The following ABR variants were observed in gnomAD, a reference collection of about 807,000 sequenced individuals.
The protein encoded by ABR is ABR activator of RhoGEF and GTPase, also known as active breakpoint cluster region-related protein.
ABR carries 35 observed loss-of-function variants against 107.2 expected under a neutral mutation model. That is an observed-to-expected ratio of 0.33 (90% CI 0.25 to 0.43). The LOEUF (loss-of-function observed/expected upper bound fraction) is 0.43, where lower values mean the gene tolerates loss of function less well. Among genes scored for constraint, ABR ranks in the 20% least tolerant of loss-of-function variants. ABR has a pLI of 1.00. For missense variants in ABR, 815 were observed against 1,115.2 expected (o/e 0.73, Z 3.83); for synonymous variants, 498 against 462.0 (o/e 1.08, Z -1.00).
At position 1,037,065 on chromosome 17, in the gene ABR, ATCCACCCACCCACCCATCCT is replaced by A. The variant is rs1567625869; in HGVS notation, c.1791+12965_1791+12984del. 4.5e-5 allele frequency among the ~76,000 whole-genome samples: 6 copies of A among 132,116 alleles called. No homozygotes were observed. The highest frequency in any genetic ancestry group is 1.8e-4 in the African/African-American group (6 of 33,438). The allele number at this position is 132,116 out of a possible 152,430, so 86.7% of individuals were successfully genotyped here. Reference sequence around the variant, plus strand: ...CATCCATCCATCCATCCACCCATCCATCCACCCACCCACCCATCCTTCCATCCATCCATCCATCCATCCAC... The same window carrying A: ...CATCCATCCATCCATCCACCCATCCATCCATCCATCCATCCATCCATCCAC... On this transcript the variant is annotated intron_variant, in intron 16 of 22. Coordinates refer to ENST00000302538, the MANE Select transcript of ABR (RefSeq NM_021962.5). This position sits in a 1 kb window ranked among gnomAD's most constrained non-coding sequence, Gnocchi z 4.6.
At position 1,037,248 on chromosome 17, in the gene ABR, G is replaced by A. The variant is rs2073266934; in HGVS notation, c.1791+12802C>T. Reference sequence around the variant, plus strand: ...CGGCCCAGACCTAGGCCTGCCCAAGGTAACCTGCTGTCCTCCCAACTCCCC... The same window carrying A: ...CGGCCCAGACCTAGGCCTGCCCAAGATAACCTGCTGTCCTCCCAACTCCCC... On this transcript the variant is annotated intron_variant, in intron 16 of 22. Transcript: ENST00000302538. The surrounding 1 kb of genome is among the most constrained non-coding windows in gnomAD (Gnocchi z 4.6). 6.6e-6 allele frequency among the ~76,000 whole-genome samples: 1 copy of A among 152,200 alleles called. No homozygotes were observed. The highest frequency in any genetic ancestry group is 6.5e-5 in the Admixed American group (1 of 15,276).
intron 6 of ABR, among the ~76,000 whole-genome samples, chr17:1,075,297 C>T (rs558420643): frequency 6.6e-6 from 1 of 152,376 alleles, no homozygotes; most frequent in East Asian, 1.9e-4. Flanking sequence ...GCCGCAGGGG[C>T]AGTGACAGAG....
chr17:1,018,585 G>A (rs549604166), intron 16 of ABR, among the ~76,000 whole-genome samples: 6 of 152,252 alleles, frequency 3.9e-5, no homozygotes, highest in African/African-American at 1.2e-4. Flanking sequence ...AAGTCTCAGG[G>A]GGACCTGGAC....
intron 3 of ABR, among the ~76,000 whole-genome samples, chr17:1,099,772 C>T (rs1314728129): frequency 6.6e-6 from 1 of 152,202 alleles, no homozygotes; most frequent in Non-Finnish European, 1.5e-5. Flanking sequence ...GGGAGGGGAA[C>T]TGAGGCATGT....
At chr17:1,056,930 A>T in intron 13 of ABR, 68 bp downstream of exon 13, 1 of 1,097,958 alleles carries the variant, frequency 9.1e-7, no homozygotes, top group Non-Finnish European at 1.4e-6. Context: ...CTGAGTCCTT[A>T]CGGGAAGCCG....
chr17:1,145,397 C>G (rs758213875), intron 1 of ABR, among the ~76,000 whole-genome samples: 4 of 152,190 alleles, frequency 2.6e-5, no homozygotes, highest in Non-Finnish European at 4.4e-5. Context: ...GAATTGATAA[C>G]AAGTAATAAT....
chr17:1,158,292 C>T (rs1471070504), intron 1 of ABR, among the ~76,000 whole-genome samples: 1 of 151,580 alleles, frequency 6.6e-6, no homozygotes, highest in Non-Finnish European at 1.5e-5. Flanking sequence ...GATGGAGTTT[C>T]GCCATGTTGC....
At chr17:1,187,550 G>A (rs1339177687), upstream of ABR, among the ~76,000 whole-genome samples, 1 of 152,228 alleles carries the variant, frequency 6.6e-6, no homozygotes, top group Non-Finnish European at 1.5e-5. Context: ...CCCCAGGAGT[G>A]ACATGGGGAG....
At chr17:1,041,306 G>A (rs16957565) in intron 16 of ABR, among the ~76,000 whole-genome samples, 26,068 of 152,156 alleles carry the variant, frequency 0.17, 2,503 homozygotes, top group East Asian at 0.27. Context: ...AGGATGTATC[G>A]TAAACAGAAA....
intron 1 of ABR, among the ~76,000 whole-genome samples, chr17:1,209,353 C>T (rs868356245): frequency 4.0e-5 from 6 of 151,658 alleles, no homozygotes; most frequent in East Asian, 1.9e-4. Flanking sequence ...CTCGGCTCAC[C>T]GCAACCTCCA....
At chr17:1,212,065 A>G (rs1189919397) in intron 1 of ABR, among the ~76,000 whole-genome samples, 1 of 137,550 alleles carries the variant, frequency 7.3e-6, no homozygotes, top group Admixed American at 7.8e-5. Flanking sequence ...CTAGGCGACA[A>G]GAGCAAGACC....
intron 2 of ABR, among the ~76,000 whole-genome samples, chr17:1,106,916 C>T (rs571889783): frequency 1.3e-5 from 2 of 152,320 alleles, no homozygotes; most frequent in East Asian, 3.9e-4. Context: ...ACGCCTTGTT[C>T]CTCTTGTCAT....
chr17:1,054,532 G>A (rs78966179), intron 14 of ABR, among the ~76,000 whole-genome samples: 10 of 11,876 alleles, frequency 8.4e-4, no homozygotes, highest in African/African-American at 1.8e-3. Context: ...GGGGATGGGG[G>A]CACAAAGAAC....
chr17:1,061,091 T>A (rs560259616), intron 10 of ABR, among the ~76,000 whole-genome samples: 2 of 152,274 alleles, frequency 1.3e-5, no homozygotes, highest in South Asian at 4.1e-4. Context: ...TGTACCACAC[T>A]CTGTGGTCAG....
intron 1 of ABR, among the ~76,000 whole-genome samples, chr17:1,207,895 G>A (rs1017385592): frequency 1.3e-5 from 2 of 151,460 alleles, no homozygotes; most frequent in Non-Finnish European, 2.9e-5. Context: ...TCAGCCTCCC[G>A]AGTAGCTGGG....
intron 1 of ABR, among the ~76,000 whole-genome samples, chr17:1,221,316 C>T (rs1037366985): frequency 2.6e-5 from 4 of 152,216 alleles, no homozygotes; most frequent in East Asian, 3.8e-4. Context: ...GGCAGACAAA[C>T]AGCCACCACT....
At chr17:1,021,319 C>A (rs1369207333) in intron 16 of ABR, among the ~76,000 whole-genome samples, 2 of 152,162 alleles carry the variant, frequency 1.3e-5, no homozygotes, top group Non-Finnish European at 2.9e-5. Flanking sequence ...CCCTCAGGAG[C>A]CCACTCGGTC....
In ABR at chr17:1,210,237, G is replaced by A. The variant is rs887020788; in HGVS notation, c.838+18556C>T. ...TAGAAAGTTCTGACCTAAGCCGGGC[G>A]CCGTGGCTCACACCTGTAATCCCAA... On this transcript the variant is annotated intron_variant, in intron 1 of 22. Transcript: ENST00000574139. The surrounding 1 kb of genome is among the most constrained non-coding windows in gnomAD (Gnocchi z 5.6). Among the ~76,000 whole-genome samples, 4 of 152,314 alleles carry A rather than the reference G, an allele frequency of 2.6e-5. No homozygotes were observed. Among genetic ancestry groups the A allele is most frequent in the South Asian group, 2.1e-4 (1 of 4,816 alleles).
chr17:1,166,531 G>A lies in ABR; in HGVS notation c.61+13136C>T, dbSNP rs537391963. Among the ~76,000 whole-genome samples, 105 of 152,316 alleles carry A rather than the reference G, an allele frequency of 6.9e-4. 2 individuals are homozygous for A. In the South Asian group the frequency reaches 0.012, roughly 17 times the overall value. On this transcript the variant is annotated intron_variant, in intron 1 of 22. Transcript: ENST00000302538. ...CAGTGGGGCCAGGAGGGGAGGCTGCGGCTGGAGATGGGTTGGACCCAGTCT... is the reference window on the plus strand; with the variant it reads ...CAGTGGGGCCAGGAGGGGAGGCTGCAGCTGGAGATGGGTTGGACCCAGTCT...
Sources: allele counts gnomAD v4.1 joint callset (sites outside exome capture counted in the v4.1 genomes callset), GRCh38; gene constraint gnomAD v4.1.1; non-coding constraint Gnocchi (gnomAD v3.1); transcripts MANE v1.5; gene names NCBI Gene and HGNC (gene_info 2026-07-23, HGNC 2026-07-21).